Variants in LRRC7 observed in about 807,000 individuals in gnomAD.
The protein encoded by LRRC7 is leucine-rich repeat-containing protein 7.
Under a neutral mutation model 175.7 loss-of-function variants are expected in LRRC7, and 23 were observed. The ratio of observed to expected loss-of-function variants is 0.13; its 90% CI spans 0.09 to 0.19. LRRC7 has a LOEUF of 0.19. Among genes scored for constraint, LRRC7 ranks in the 10% least tolerant of loss-of-function variants. The pLI, the probability that LRRC7 is intolerant of heterozygous loss-of-function variation, is 1.00. For missense variants in LRRC7, 1,354 were observed against 1,904.7 expected (o/e 0.71, Z 5.38); for synonymous variants, 685 against 680.9 (o/e 1.01, Z -0.09).
intron 5 of LRRC7, among the ~76,000 whole-genome samples, chr1:69,833,740 G>A (rs1298377867): frequency 2.0e-5 from 3 of 152,026 alleles, no homozygotes; most frequent in African/African-American, 7.2e-5. Context: ...GAAATAAAAT[G>A]AGGCTAATGG....
rs1477879873 is a variant in LRRC7, at chr1:70,125,542, C to A, written c.*3655C>A. 6.6e-6 allele frequency among the ~76,000 whole-genome samples: 1 copy of A among 152,150 alleles called. No homozygotes were observed. Among genetic ancestry groups the A allele is most frequent in the Non-Finnish European group, 1.5e-5 (1 of 68,014 alleles). ...GCGCGGTGGCTCACGCCTGTAATCC[C>A]AGCACTTTGGGAGGCCGAGGCGGGC... On this transcript the variant is annotated 3_prime_UTR_variant, in exon 27 of 27. Coordinates refer to ENST00000651989, the MANE Select transcript of LRRC7 (RefSeq NM_001370785.2).
At position 70,038,482 on chromosome 1, in the gene LRRC7, C is replaced by A. The variant is rs1036043494; in HGVS notation, c.2658C>A (p.Thr886=). 19 of 1,613,982 alleles carry A rather than the reference C, an allele frequency of 1.2e-5. No homozygotes were observed. Among genetic ancestry groups the A allele is most frequent in the Non-Finnish European group, 1.6e-5 (19 of 1,180,012 alleles). The part of the protein sequence containing the change: ...PSNPWQNWTR[T]PSPFEDRTAF... ...ATCCTTGGCAGAATTGGACCAGAAC[C>A]CCTAGTCCGTTTGAAGACAGGACCG... Residue 886 remains threonine (T), a synonymous_variant, in exon 21 of 27, where the codon ACC becomes ACA. Coordinates refer to ENST00000651989, the MANE Select transcript of LRRC7 (RefSeq NM_001370785.2).
At chr1:70,082,811 T>TTTTTTTTTTTTTTTTTTTTTC in intron 24 of LRRC7, among the ~76,000 whole-genome samples, 1 of 140,148 alleles carries the variant, frequency 7.1e-6, no homozygotes, top group Non-Finnish European at 1.5e-5. Flanking sequence ...TTTTTTTTTT[T>TTTTTTTTTTTTTTTTTTTTTC]TGAGACAAAG....
At chr1:69,741,426 G>A (rs1668697577) in intron 2 of LRRC7, among the ~76,000 whole-genome samples, 1 of 151,726 alleles carries the variant, frequency 6.6e-6, no homozygotes, top group African/African-American at 2.4e-5. Flanking sequence ...ACGTGAAATA[G>A]TAAGAGCAGG....
chr1:69,994,459 A>C, intron 10 of LRRC7, 102 bp from the exon 11 acceptor site: 1 of 842,430 alleles, frequency 1.2e-6, no homozygotes, highest in Non-Finnish European at 2.0e-6. Context: ...GCCAATTAGC[A>C]TGCCAAGCAT....
At chr1:70,057,983 C>T (rs1446584703) in intron 23 of LRRC7, among the ~76,000 whole-genome samples, 1 of 150,000 alleles carries the variant, frequency 6.7e-6, no homozygotes, top group Admixed American at 6.7e-5. Flanking sequence ...GATTTTATTT[C>T]TCTCTTGCTA....
At position 70,121,696 on chromosome 1, in the gene LRRC7, G is replaced by T. The variant is rs368439581; in HGVS notation, c.4621-84G>T. On this transcript the variant is annotated intron_variant, in intron 26 of 26. Coordinates refer to ENST00000651989, the MANE Select transcript of LRRC7 (RefSeq NM_001370785.2). ...AACTGACAACTTTTTGTTGCTCAGT[G>T]CTCCCGTGAATTTTATGAATAGAAA... 8.3e-4 allele frequency: 707 copies of T among 853,710 alleles called. 10 individuals carry two copies. In the South Asian group the frequency reaches 9.5e-3, roughly 12 times the overall value. 52.9% of individuals were successfully genotyped at this position (853,710 alleles called of 1,614,324 possible). A position where few individuals can be genotyped will look rare whatever the true frequency, so the allele number is the denominator to read the frequency against.
At chr1:70,076,000 T>C in intron 23 of LRRC7, 77 bp from the exon 24 acceptor site, 4 of 1,487,800 alleles carry the variant, frequency 2.7e-6, no homozygotes, top group Non-Finnish European at 3.7e-6. Flanking sequence ...CAGAGAGGTA[T>C]TCTGTACGTG....
At chr1:70,013,291 C>G (rs911796057) in intron 13 of LRRC7, among the ~76,000 whole-genome samples, 4 of 151,620 alleles carry the variant, frequency 2.6e-5, no homozygotes, top group Non-Finnish European at 5.9e-5. Flanking sequence ...ATATCAAAAG[C>G]ATATGTAATG....
chr1:69,784,741 G>A (rs1013318188), intron 3 of LRRC7, among the ~76,000 whole-genome samples: 4 of 152,054 alleles, frequency 2.6e-5, no homozygotes, highest in Non-Finnish European at 2.9e-5. Context: ...TGGCTATATC[G>A]TGGCATTTCT....
chr1:69,972,779 G>A (rs1249883041), intron 8 of LRRC7, among the ~76,000 whole-genome samples: 1 of 151,776 alleles, frequency 6.6e-6, no homozygotes, highest in Non-Finnish European at 1.5e-5. Flanking sequence ...TATCTACCCA[G>A]AAGAAAAGAA....
At position 70,061,240 on chromosome 1, in the gene LRRC7, C is replaced by T. The variant is rs146005144; in HGVS notation, c.4230+8095C>T. ...GGTAGACTAGGCAGTCCCTAAAACT[C>T]AGAAACAAATTGGAGTTCCTTTCAG... is the stretch of plus-strand genomic sequence containing the variant. On this transcript the variant is annotated intron_variant, in intron 23 of 26. Transcript: ENST00000651989. Among the ~76,000 whole-genome samples, 6 of 152,204 alleles carry T rather than the reference C, an allele frequency of 3.9e-5. No individual in the cohort carries two copies. In the East Asian group the frequency reaches 7.7e-4, roughly 20 times the overall value.
chr1:69,821,374 T>C (rs1679277220), intron 4 of LRRC7, among the ~76,000 whole-genome samples: 1 of 152,178 alleles, frequency 6.6e-6, no homozygotes, highest in African/African-American at 2.4e-5. Flanking sequence ...GTGGGAGTTC[T>C]ATATTGCATT....
chr1:69,624,124 G>A (rs1651103923), intron 1 of LRRC7, among the ~76,000 whole-genome samples: 1 of 152,022 alleles, frequency 6.6e-6, no homozygotes, highest in Admixed American at 6.6e-5. Context: ...CAAACTTATT[G>A]TACTGTTTAC....
intron 3 of LRRC7, among the ~76,000 whole-genome samples, chr1:69,785,775 C>A (rs1286981772): frequency 6.6e-5 from 10 of 151,992 alleles, no homozygotes; most frequent in African/African-American, 2.4e-4. Context: ...ATGAAAAAAT[C>A]TGAAAATGTT....
chr1:69,736,246 C>A (rs547273253), intron 2 of LRRC7, among the ~76,000 whole-genome samples: 1 of 152,136 alleles, frequency 6.6e-6, no homozygotes, highest in African/African-American at 2.4e-5. Context: ...ACTACTTTTT[C>A]TGACCAATTC....
intron 1 of LRRC7, among the ~76,000 whole-genome samples, chr1:69,627,364 A>C (rs923942003): frequency 2.0e-5 from 3 of 152,190 alleles, no homozygotes; most frequent in African/African-American, 7.2e-5. Context: ...TGGCTGCATA[A>C]AGGTCTTCTT....
At chr1:69,854,703 T>C (rs188264487) in intron 7 of LRRC7, among the ~76,000 whole-genome samples, 2 of 152,300 alleles carry the variant, frequency 1.3e-5, no homozygotes, top group African/African-American at 4.8e-5. Context: ...GAAAAACAGC[T>C]GTTAGATGAG....
intron 1 of LRRC7, among the ~76,000 whole-genome samples, chr1:69,600,916 A>C (rs1055363792): frequency 7.2e-6 from 1 of 139,754 alleles, no homozygotes; most frequent in African/African-American, 2.7e-5. Flanking sequence ...GGTTCAAGCT[A>C]TTCCCCTGCC....
Sources: allele counts gnomAD v4.1 joint callset (sites outside exome capture counted in the v4.1 genomes callset), GRCh38; gene constraint gnomAD v4.1.1; transcripts MANE v1.5; gene names NCBI Gene and HGNC (gene_info 2026-07-23, HGNC 2026-07-21).